SIPA1L1: variants seen among roughly 807,000 people sequenced by gnomAD.
SIPA1L1 encodes signal-induced proliferation-associated 1-like protein 1.
In SIPA1L1, 26 loss-of-function variants were observed where a neutral mutation model predicts 162.7. The observed-to-expected ratio is 0.16, with a 90% confidence interval of 0.12 to 0.22. SIPA1L1 has a LOEUF of 0.22. Ranked by LOEUF, SIPA1L1 falls within the 10% of genes least tolerant of loss-of-function variation. The pLI is 1.00. For synonymous variants in SIPA1L1, 829 were observed against 837.4 expected (o/e 0.99, Z 0.17); for missense variants, 1,874 against 2,241.0 (o/e 0.84, Z 3.31).
chr14:71,671,942 T>TGTGTGTGC (rs1302058634), intron 11 of SIPA1L1, among the ~76,000 whole-genome samples: 8 of 146,158 alleles, frequency 5.5e-5, no homozygotes, highest in African/African-American at 1.8e-4. Flanking sequence ...TGTGTGTGTG[T>TGTGTGTGC]GCGTTCATGT....
At chr14:71,710,631 A>G (rs138981433) in intron 17 of SIPA1L1, among the ~76,000 whole-genome samples, 172 of 152,154 alleles carry the variant, frequency 1.1e-3, no homozygotes, top group African/African-American at 3.9e-3. Flanking sequence ...AACATGGTGA[A>G]ACCCCGTCTC....
intron 2 of SIPA1L1, among the ~76,000 whole-genome samples, chr14:71,426,383 ATTTT>A (rs371986964): frequency 6.9e-6 from 1 of 144,244 alleles, no homozygotes; most frequent in Non-Finnish European, 1.5e-5. Context: ...AACCTTTAAA[ATTTT>A]TTTTTTCTTG....
At chr14:71,642,344 G>A (rs1451095355) in intron 7 of SIPA1L1, among the ~76,000 whole-genome samples, 2 of 152,100 alleles carry the variant, frequency 1.3e-5, no homozygotes, top group African/African-American at 2.4e-5. Flanking sequence ...GCTAGAATTC[G>A]CAGAGCACAG....
intron 2 of SIPA1L1, among the ~76,000 whole-genome samples, chr14:71,376,718 C>G (rs2039404157): frequency 6.6e-6 from 1 of 151,974 alleles, no homozygotes; most frequent in South Asian, 2.1e-4. Flanking sequence ...TGCGGCCTTC[C>G]TTAGTGTTTG....
At chr14:71,651,807 G>A (rs529764142) in intron 8 of SIPA1L1, among the ~76,000 whole-genome samples, 23 of 152,310 alleles carry the variant, frequency 1.5e-4, no homozygotes, top group African/African-American at 4.3e-4. Context: ...CTAGGGTATC[G>A]TTAAGCAACA....
chr14:71,671,627 G>A lies in SIPA1L1; in HGVS notation c.2764G>A (p.Glu922Lys). The change falls in exon 11 of 24, where the codon GAA becomes AAA. Residue 922 changes from glutamate (E) to lysine (K), a missense_variant. Glu to Lys is a moderately conservative substitution (Grantham distance 56). This residue lies in a region of SIPA1L1 where 243 missense variants were observed against 315.0 expected (regional missense o/e 0.77). Coordinates refer to ENST00000381232, the MANE Select transcript of SIPA1L1 (RefSeq NM_001386936.1). ...TSLKIFYERG[E>K]CVSVGSFINI... ...CCTCAAAATCTTCTATGAACGAGGA[G>A]AATGTGTTTCAGTGGGTAGTTTTAT... is the stretch of plus-strand genomic sequence containing the variant. 1 of 1,614,086 alleles carries A rather than the reference G, an allele frequency of 6.2e-7. No homozygotes were observed. Among genetic ancestry groups the A allele is most frequent in the Non-Finnish European group, 8.5e-7 (1 of 1,179,964 alleles).
At chr14:71,714,966 A>G (rs930986206) in intron 17 of SIPA1L1, among the ~76,000 whole-genome samples, 1 of 152,242 alleles carries the variant, frequency 6.6e-6, no homozygotes, top group Admixed American at 6.5e-5. Context: ...CTACAGCTCA[A>G]ATACACAATT....
At chr14:71,618,098 C>T (rs760071299) in intron 5 of SIPA1L1, among the ~76,000 whole-genome samples, 59 of 152,232 alleles carry the variant, frequency 3.9e-4, no homozygotes, top group Non-Finnish European at 6.5e-4. Flanking sequence ...AAGGCCAGAA[C>T]ATTGAAGAGA....
At chr14:71,539,492 T>G (rs2054193529) in intron 4 of SIPA1L1, among the ~76,000 whole-genome samples, 1 of 152,192 alleles carries the variant, frequency 6.6e-6, no homozygotes, top group Admixed American at 6.5e-5. Context: ...TGGTATTTCA[T>G]AATATTTAGA....
intron 2 of SIPA1L1, among the ~76,000 whole-genome samples, chr14:71,463,352 C>T (rs1011091196): frequency 3.9e-5 from 6 of 152,052 alleles, no homozygotes; most frequent in Non-Finnish European, 7.4e-5. Context: ...AGGATGAGTC[C>T]GGGGACCCAC....
chr14:71,589,398 T>C (rs756226783), intron 5 of SIPA1L1, 28 bp downstream of exon 5: 1 of 1,470,398 alleles, frequency 6.8e-7, no homozygotes, highest in South Asian at 1.2e-5. Context: ...ATTTCTTACA[T>C]TTTCTTTTGC....
chr14:71,426,681 G>A (rs977331160), intron 2 of SIPA1L1, among the ~76,000 whole-genome samples: 20 of 151,636 alleles, frequency 1.3e-4, no homozygotes, highest in African/African-American at 4.4e-4. Context: ...TAGTATAGAC[G>A]GGGTTTCACC....
At chr14:71,699,268 C>A in intron 14 of SIPA1L1, 141 bp downstream of exon 14, 1 of 826,530 alleles carries the variant, frequency 1.2e-6, no homozygotes, top group Non-Finnish European at 1.9e-6. Context: ...AGTTAATAAT[C>A]CAGATAGAAA....
intron 7 of SIPA1L1, among the ~76,000 whole-genome samples, chr14:71,645,872 A>G (rs1431064457): frequency 1.3e-5 from 2 of 152,244 alleles, no homozygotes; most frequent in Non-Finnish European, 2.9e-5. Context: ...TCCACACTTC[A>G]AGAACTGTTG....
intron 4 of SIPA1L1, among the ~76,000 whole-genome samples, chr14:71,583,728 C>T (rs754029735): frequency 1.3e-5 from 2 of 151,796 alleles, no homozygotes; most frequent in Non-Finnish European, 2.9e-5. Context: ...TTGGTTATTT[C>T]ATTGTAAAAT....
chr14:71,713,984 A>G (rs1391787313), intron 17 of SIPA1L1, among the ~76,000 whole-genome samples: 1 of 152,206 alleles, frequency 6.6e-6, no homozygotes, highest in African/African-American at 2.4e-5. Context: ...CAGAATATGA[A>G]AATTCACCCT....
At chr14:71,688,822 A>G (rs888111384) in intron 13 of SIPA1L1, among the ~76,000 whole-genome samples, 2 of 152,216 alleles carry the variant, frequency 1.3e-5, no homozygotes, top group African/African-American at 2.4e-5. Flanking sequence ...GGTGTGGCGT[A>G]ATATTGTGAC....
At chr14:71,429,642 G>A (rs1567012920) in intron 2 of SIPA1L1, among the ~76,000 whole-genome samples, 2 of 152,214 alleles carry the variant, frequency 1.3e-5, no homozygotes, top group South Asian at 4.1e-4. Flanking sequence ...CAGTTGTCAG[G>A]TCATGGGATA....
chr14:71,323,245 G>T (rs1177026001), intron 2 of SIPA1L1, among the ~76,000 whole-genome samples: 3 of 152,144 alleles, frequency 2.0e-5, no homozygotes, highest in Non-Finnish European at 2.9e-5. Context: ...GACTTCGGGG[G>T]GATCTTGGTT....
Sources: gnomAD v4.1 joint callset for allele counts (sites outside exome capture counted in the v4.1 genomes callset) on GRCh38, gnomAD v4.1.1 for gene constraint, gnomAD v4.1.1 regional missense constraint, MANE v1.5 for transcripts, NCBI Gene and HGNC (gene_info 2026-07-23, HGNC 2026-07-21) for gene names.